The following SCEL variants were observed in gnomAD, a reference collection of about 807,000 sequenced individuals.
SCEL encodes the protein sciellin.
In SCEL, 113 loss-of-function variants were observed where a neutral mutation model predicts 117.6. The observed-to-expected ratio is 0.96, with a 90% CI of 0.83 to 1.12. The LOEUF (loss-of-function observed/expected upper bound fraction) is 1.12, where lower values mean the gene tolerates loss of function less well. Ranked by LOEUF, SCEL falls within the 50% of genes most tolerant of loss-of-function variation. The probability of loss-of-function intolerance (pLI) is 0.00; values close to 1 mark genes in which losing one functional copy is unlikely to be tolerated. For synonymous variants in SCEL, 270 were observed against 256.2 expected (o/e 1.05, Z -0.51); for missense variants, 785 against 810.8 (o/e 0.97, Z 0.39).
chr13:77,619,537 C>G (rs1020908143), intron 27 of SCEL, among the ~76,000 whole-genome samples: 1 of 152,308 alleles, frequency 6.6e-6, no homozygotes. Flanking sequence ...TGCTCCTCTT[C>G]TGCTCATACA....
At chr13:77,548,265 G>T (rs896056992) in intron 1 of SCEL, among the ~76,000 whole-genome samples, 1 of 152,222 alleles carries the variant, frequency 6.6e-6, no homozygotes, top group Non-Finnish European at 1.5e-5. Context: ...AATGAGTGAC[G>T]AAGCTGGGGA....
chr13:77,602,616 T>C, intron 16 of SCEL, 38 bp from the exon 17 acceptor site: 7 of 1,573,454 alleles, frequency 4.4e-6, no homozygotes, highest in Middle Eastern at 1.7e-4. Context: ...AAAATTGTAC[T>C]GTAACCTAAC....
chr13:77,573,462 T>C (rs762819661), intron 9 of SCEL, among the ~76,000 whole-genome samples: 1 of 152,242 alleles, frequency 6.6e-6, no homozygotes, highest in Non-Finnish European at 1.5e-5. Context: ...GTTTATTTTA[T>C]AGAATTTTCC....
chr13:77,609,028 T>C, intron 20 of SCEL, 30 bp from the exon 21 acceptor site: 1 of 1,501,390 alleles, frequency 6.7e-7, no homozygotes, highest in Non-Finnish European at 9.1e-7. Context: ...CCATTTTTAT[T>C]TATGATGTTT....
chr13:77,638,556 T>TA (rs1397198620), intron 30 of SCEL, among the ~76,000 whole-genome samples: 1 of 152,240 alleles, frequency 6.6e-6, no homozygotes, highest in Non-Finnish European at 1.5e-5. Flanking sequence ...ACCCTATTCC[T>TA]AAAATGGCTT....
chr13:77,579,950 G>A (rs2086176087), intron 9 of SCEL, among the ~76,000 whole-genome samples: 1 of 152,184 alleles, frequency 6.6e-6, no homozygotes, highest in Admixed American at 6.5e-5. Flanking sequence ...TCCTGTCCAT[G>A]GGACATTCTC....
intron 24 of SCEL, among the ~76,000 whole-genome samples, chr13:77,615,376 G>A (rs575645244): frequency 2.6e-5 from 4 of 152,078 alleles, no homozygotes; most frequent in Non-Finnish European, 4.4e-5. Flanking sequence ...TTAATTAAGC[G>A]CCTTGGAAAA....
At chr13:77,644,166 C>A in intron 32 of SCEL, 92 bp from the exon 33 acceptor site, 2 of 1,346,008 alleles carry the variant, frequency 1.5e-6, no homozygotes, top group South Asian at 1.2e-5. Context: ...CTTAATCTAC[C>A]ACTACCCGTT....
At chr13:77,551,196 G>A (rs961966223) in intron 1 of SCEL, among the ~76,000 whole-genome samples, 3 of 152,144 alleles carry the variant, frequency 2.0e-5, no homozygotes, top group Non-Finnish European at 4.4e-5. Flanking sequence ...GAGTTGGAGG[G>A]ACCAACAGCC....
intron 27 of SCEL, among the ~76,000 whole-genome samples, chr13:77,624,100 CTTTT>C (rs566206052): frequency 3.2e-4 from 38 of 120,338 alleles, no homozygotes; most frequent in East Asian, 2.1e-3. Flanking sequence ...CTTGTCTTCA[CTTTT>C]TTTTTTTTTT....
chr13:77,607,513 T>A (rs1213928921), intron 19 of SCEL, among the ~76,000 whole-genome samples: 1 of 152,216 alleles, frequency 6.6e-6, no homozygotes, highest in Non-Finnish European at 1.5e-5. Flanking sequence ...CAGTTATAAG[T>A]ACCAGAAGCA....
chr13:77,633,263 C>T lies in SCEL; in HGVS notation c.1692-1116C>T, dbSNP rs573574766. On this transcript the variant is annotated intron_variant, in intron 28 of 32. Transcript: ENST00000349847. ...CATCCTGGCTAACAAGGTGAAACCC[C>T]GTCTCTACTAAAAATACAAAAAATT... is the stretch of plus-strand genomic sequence containing the variant. 4.0e-5 allele frequency among the ~76,000 whole-genome samples: 6 copies of T among 148,796 alleles called. No individual in the cohort carries two copies. In the South Asian group the frequency reaches 6.5e-4, roughly 16 times the overall value.
At chr13:77,644,179 G>A in intron 32 of SCEL, 79 bp from the exon 33 acceptor site, 1 of 1,480,696 alleles carries the variant, frequency 6.8e-7, no homozygotes, top group Non-Finnish European at 9.4e-7. Context: ...TACCCGTTGG[G>A]TGAATAATAG....
chr13:77,622,416 CCTTCACCTG>C (rs1487683627), intron 27 of SCEL, among the ~76,000 whole-genome samples: 1 of 152,026 alleles, frequency 6.6e-6, no homozygotes, highest in Non-Finnish European at 1.5e-5. Flanking sequence ...CTATTTTTTT[CCTTCACCTG>C]CTTTGTAAGA....
At position 77,602,275 on chromosome 13, in the gene SCEL, A is replaced by G. The variant is rs983675770; in HGVS notation, c.977+151A>G. On this transcript the variant is annotated intron_variant, in intron 16 of 32. Coordinates refer to ENST00000349847, the MANE Select transcript of SCEL (RefSeq NM_144777.3). The stretch of plus-strand genomic sequence containing the variant: ...CCTAGTAGGCAAAAGGAATATGTTG[A>G]GTGCTGTTTCATAGGACCTCTGATT... 5.2e-6 allele frequency: 3 copies of G among 573,000 alleles called. No homozygotes were observed. In the African/African-American group the frequency reaches 5.7e-5, roughly 11 times the overall value. The allele number at this position is 573,000 out of a possible 1,614,324, so 35.5% of individuals were successfully genotyped here.
At chr13:77,629,103 T>C (rs890529213) in intron 28 of SCEL, among the ~76,000 whole-genome samples, 11 of 152,340 alleles carry the variant, frequency 7.2e-5, no homozygotes, top group Middle Eastern at 3.4e-3. Flanking sequence ...TCCAGTTCCA[T>C]TGGACTTGTT....
intron 2 of SCEL, 84 bp downstream of exon 2, chr13:77,556,002 T>C (rs901067073): frequency 4.2e-6 from 4 of 961,594 alleles, no homozygotes; most frequent in East Asian, 4.9e-5. Flanking sequence ...TTAATACAGA[T>C]ATTGAATGCT....
intron 1 of SCEL, among the ~76,000 whole-genome samples, chr13:77,549,571 C>T (rs2084187344): frequency 6.6e-6 from 1 of 152,192 alleles, no homozygotes; most frequent in Non-Finnish European, 1.5e-5. Context: ...TAGTGTGACT[C>T]TTTTCAAACC....
intron 11 of SCEL, among the ~76,000 whole-genome samples, chr13:77,592,682 C>T (rs574898604): frequency 6.6e-6 from 1 of 151,796 alleles, no homozygotes; most frequent in Admixed American, 6.6e-5. Context: ...CCTTAGCCTC[C>T]TGAGTAGTTG....
Sources: gnomAD v4.1 joint callset for allele counts (sites outside exome capture counted in the v4.1 genomes callset) on GRCh38, gnomAD v4.1.1 for gene constraint, MANE v1.5 for transcripts, NCBI Gene and HGNC (gene_info 2026-07-23, HGNC 2026-07-21) for gene names.